Variants in DCLK1 observed in about 807,000 individuals in gnomAD.
The protein encoded by DCLK1 is doublecortin like kinase 1, also known as serine/threonine-protein kinase DCLK1.
A neutral mutation model predicts 86.2 loss-of-function variants in DCLK1; 16 were observed. The observed-to-expected ratio is 0.19, with a 90% CI of 0.13 to 0.28. The LOEUF is 0.28. Among genes scored for constraint, DCLK1 ranks in the 10% least tolerant of loss-of-function variants. DCLK1 has a pLI of 1.00. For missense variants in DCLK1, 590 were observed against 940.2 expected (o/e 0.63, Z 4.87); for synonymous variants, 369 against 370.5 (o/e 1.00, Z 0.05).
intron 6 of DCLK1, chr13:35,847,276 T>C: frequency 1.0e-6 from 1 of 985,290 alleles, no homozygotes; most frequent in Non-Finnish European, 1.2e-6. Context: ...GCTTTTTAAT[T>C]TAAACATGCC....
intron 16 of DCLK1, chr13:35,788,434 A>C (rs1171749850): frequency 5.6e-6 from 4 of 710,076 alleles, no homozygotes; most frequent in Non-Finnish European, 9.4e-6. Flanking sequence ...CTAAGTCTGC[A>C]TACTGACAAC....
intron 4 of DCLK1, among the ~76,000 whole-genome samples, chr13:35,925,218 A>T (rs906830177): frequency 1.3e-5 from 2 of 152,220 alleles, no homozygotes; most frequent in Non-Finnish European, 2.9e-5. Flanking sequence ...GAGCGGCCAA[A>T]GGAGAAGCTA....
At chr13:36,019,858 T>G (rs546739322) in intron 3 of DCLK1, among the ~76,000 whole-genome samples, 3 of 152,148 alleles carry the variant, frequency 2.0e-5, no homozygotes, top group Non-Finnish European at 4.4e-5. Context: ...ATGCTATGGT[T>G]TATATATGGT....
chr13:35,932,589 G>A (rs1402533157), intron 4 of DCLK1, among the ~76,000 whole-genome samples: 1 of 152,158 alleles, frequency 6.6e-6, no homozygotes, highest in African/African-American at 2.4e-5. Context: ...TTATATGGAT[G>A]GCAGCAGGCA....
chr13:36,066,113 A>T (rs1883743696), intron 3 of DCLK1, among the ~76,000 whole-genome samples: 1 of 152,234 alleles, frequency 6.6e-6, no homozygotes, highest in Admixed American at 6.5e-5. Context: ...GCTAAGAGCT[A>T]CAATATACTT....
chr13:36,117,164 G>GA (rs67608409), intron 2 of DCLK1, among the ~76,000 whole-genome samples: 46 of 146,820 alleles, frequency 3.1e-4, no homozygotes, highest in Middle Eastern at 3.4e-3. Flanking sequence ...CAACATTAAG[G>GA]AAAAAAAAAA....
chr13:35,828,954 G>A (rs536923811), intron 8 of DCLK1, among the ~76,000 whole-genome samples: 1 of 152,176 alleles, frequency 6.6e-6, no homozygotes, highest in African/African-American at 2.4e-5. Context: ...TTCCGCTGGA[G>A]AACTCATAGA....
chr13:36,004,392 A>G (rs1053279068), intron 3 of DCLK1, among the ~76,000 whole-genome samples: 3 of 152,238 alleles, frequency 2.0e-5, no homozygotes, highest in African/African-American at 7.2e-5. Flanking sequence ...TCCATAGCCT[A>G]AAACAGGACC....
intron 5 of DCLK1, among the ~76,000 whole-genome samples, chr13:35,867,976 A>G (rs549196435): frequency 1.3e-5 from 2 of 149,904 alleles, no homozygotes; most frequent in Admixed American, 6.6e-5. Flanking sequence ...AGAAAAAGAA[A>G]GACCCTAAAC....
At chr13:35,992,119 T>C (rs1483809097) in intron 3 of DCLK1, among the ~76,000 whole-genome samples, 1 of 152,198 alleles carries the variant, frequency 6.6e-6, no homozygotes, top group Admixed American at 6.5e-5. Context: ...AATGAAATCA[T>C]AGATTATAGG....
At chr13:35,968,702 C>T (rs1422975234) in intron 3 of DCLK1, among the ~76,000 whole-genome samples, 1 of 151,982 alleles carries the variant, frequency 6.6e-6, no homozygotes, top group African/African-American at 2.4e-5. Flanking sequence ...TACTGACACA[C>T]CAAGTTTCTG....
rs201980973 is a variant in DCLK1, at chr13:36,128,181, AG to A, written c.-19-2026del. Among the ~76,000 whole-genome samples, 928 of 152,326 alleles carry A rather than the reference AG, an allele frequency of 6.1e-3. 14 individuals carry two copies. The highest frequency in any genetic ancestry group is 0.021 in the African/African-American group (893 of 41,574). ...TTTGGTACTCCAGAAATGAAGTGAA[AG>A]AAAGCAATATTTACTGAAGGTCTAG... On this transcript the variant is annotated intron_variant, in intron 1 of 16. Coordinates refer to ENST00000360631, the MANE Select transcript of DCLK1 (RefSeq NM_001330071.2).
intron 6 of DCLK1, chr13:35,846,446 T>C: frequency 1.0e-6 from 1 of 985,350 alleles, no homozygotes; most frequent in Non-Finnish European, 1.2e-6. Context: ...AACACTCAGG[T>C]ATTACATGCA....
At chr13:35,966,649 C>T (rs923823209) in intron 3 of DCLK1, among the ~76,000 whole-genome samples, 16 of 152,056 alleles carry the variant, frequency 1.1e-4, no homozygotes, top group South Asian at 2.1e-4. Flanking sequence ...GGATTGCAGG[C>T]GCGCACCGCC....
intron 15 of DCLK1, among the ~76,000 whole-genome samples, chr13:35,800,746 C>T (rs1566539198): frequency 6.6e-6 from 1 of 152,048 alleles, no homozygotes; most frequent in Non-Finnish European, 1.5e-5. Context: ...GAGACAGAGT[C>T]TCCCTCCATC....
At chr13:36,032,821 C>G (rs1404106043) in intron 3 of DCLK1, among the ~76,000 whole-genome samples, 2 of 152,216 alleles carry the variant, frequency 1.3e-5, no homozygotes, top group African/African-American at 2.4e-5. Context: ...TTCCTACTTC[C>G]TTTTATCGCA....
intron 4 of DCLK1, among the ~76,000 whole-genome samples, chr13:35,880,670 T>C (rs1210106321): frequency 6.6e-6 from 1 of 152,142 alleles, no homozygotes; most frequent in Non-Finnish European, 1.5e-5. Context: ...ACATTTGCTT[T>C]CCCCATAAGA....
At chr13:35,776,233 T>C (rs558949403) in intron 16 of DCLK1, among the ~76,000 whole-genome samples, 1 of 152,328 alleles carries the variant, frequency 6.6e-6, no homozygotes, top group African/African-American at 2.4e-5. Flanking sequence ...TTTAAAACAT[T>C]GTAAAGTTAC....
At chr13:35,990,874 T>C (rs1381305634) in intron 3 of DCLK1, among the ~76,000 whole-genome samples, 1 of 152,158 alleles carries the variant, frequency 6.6e-6, no homozygotes, top group African/African-American at 2.4e-5. Context: ...GTACATAATG[T>C]CTACAAAGTA....
Sources: gnomAD v4.1 joint callset for allele counts (sites outside exome capture counted in the v4.1 genomes callset) on GRCh38, gnomAD v4.1.1 for gene constraint, MANE v1.5 for transcripts, NCBI Gene and HGNC (gene_info 2026-07-23, HGNC 2026-07-21) for gene names.